Variants in AS3MT observed in about 807,000 individuals in gnomAD.
AS3MT encodes S-adenosyl-L-methionine:arsenic(III) methyltransferase.
Under a neutral mutation model 45.3 loss-of-function variants are expected in AS3MT, and 47 were observed. The ratio of observed to expected loss-of-function variants is 1.04; its 90% CI spans 0.82 to 1.32. The LOEUF (loss-of-function observed/expected upper bound fraction) is 1.32. AS3MT is among the 40% of genes most tolerant of loss of function. The pLI, the probability that AS3MT is intolerant of heterozygous loss-of-function variation, is 0.00. For missense variants in AS3MT, 396 were observed against 451.1 expected (o/e 0.88, Z 1.11); for synonymous variants, 141 against 152.8 (o/e 0.92, Z 0.57).
chr10:102,876,247 CA>C (rs548615222), intron 6 of AS3MT, among the ~76,000 whole-genome samples: 9 of 151,660 alleles, frequency 5.9e-5, no homozygotes, highest in Non-Finnish European at 1.2e-4. Flanking sequence ...AACAACATTA[CA>C]AAAAGTTATA....
At chr10:102,883,390 T>C (rs1844897988) in intron 9 of AS3MT, among the ~76,000 whole-genome samples, 2 of 151,544 alleles carry the variant, frequency 1.3e-5, no homozygotes, top group East Asian at 2.0e-4. Context: ...TGTGAGCCAC[T>C]GTGCCCAGCC....
At chr10:102,875,178 T>G (rs892289770) in intron 6 of AS3MT, among the ~76,000 whole-genome samples, 7 of 152,092 alleles carry the variant, frequency 4.6e-5, no homozygotes, top group African/African-American at 1.7e-4. Context: ...ATCTTCATGA[T>G]AGTAGATGAA....
intron 9 of AS3MT, among the ~76,000 whole-genome samples, chr10:102,886,129 G>T (rs1844950194): frequency 6.6e-6 from 1 of 151,542 alleles, no homozygotes; most frequent in South Asian, 2.1e-4. Flanking sequence ...TTGATCTTCT[G>T]TATTTTTTTA....
At chr10:102,895,345 G>A (rs776993667) in intron 10 of AS3MT, among the ~76,000 whole-genome samples, 3 of 151,834 alleles carry the variant, frequency 2.0e-5, no homozygotes, top group Non-Finnish European at 4.4e-5. Context: ...TTACAGGTGC[G>A]CCAGCCACCA....
intron 1 of AS3MT, 82 bp downstream of exon 1, chr10:102,869,675 C>T (rs1844642213): frequency 3.7e-6 from 6 of 1,603,184 alleles, no homozygotes; most frequent in Middle Eastern, 3.4e-4. Context: ...GAGCGCCTCC[C>T]CCGAGCTGTG....
At chr10:102,876,929 T>C in intron 6 of AS3MT, 25 bp from the exon 7 acceptor site, 4 of 1,608,562 alleles carry the variant, frequency 2.5e-6, no homozygotes, top group Non-Finnish European at 3.4e-6. Context: ...ATCATCTTGT[T>C]TGGACTAATA....
At chr10:102,880,302 A>T (rs186649767) in intron 9 of AS3MT, among the ~76,000 whole-genome samples, 26 of 151,096 alleles carry the variant, frequency 1.7e-4, no homozygotes, top group Admixed American at 1.5e-3. Context: ...ATTGTTTTTT[A>T]TTTTTTTTTC....
intron 3 of AS3MT, among the ~76,000 whole-genome samples, chr10:102,872,174 C>T (rs754391447): frequency 1.3e-5 from 2 of 152,150 alleles, no homozygotes; most frequent in African/African-American, 4.8e-5. Flanking sequence ...CGTGAGCCAC[C>T]GCGCCCAGCC....
At position 102,878,934 on chromosome 10, in the gene AS3MT, T is replaced by C. The variant is rs767544400; in HGVS notation, c.828T>C (p.Asn276=). 4.3e-6 allele frequency: 7 copies of C among 1,613,630 alleles called. No homozygotes were observed. Among genetic ancestry groups the C allele is most frequent in the Non-Finnish European group, 5.9e-6 (7 of 1,179,692 alleles). The change falls in exon 9 of 11, where the codon AAT becomes AAC. Residue 276 remains asparagine (N), a synonymous_variant. Coordinates refer to ENST00000369880, the MANE Select transcript of AS3MT (RefSeq NM_020682.4). Reference sequence around the variant, plus strand: ...CCAAGAGATGCCAAGTTATTTACAATGGAGGAATTACAGGACATGAAAAAG... The same window carrying C: ...CCAAGAGATGCCAAGTTATTTACAACGGAGGAATTACAGGACATGAAAAAG... ...GPTKRCQVIY[N]GGITGHEKEL...
At chr10:102,887,293 A>G (rs1237830462) in intron 9 of AS3MT, among the ~76,000 whole-genome samples, 1 of 152,200 alleles carries the variant, frequency 6.6e-6, no homozygotes, top group Admixed American at 6.5e-5. Context: ...CAGAATGTCT[A>G]TTCTGCAGCA....
chr10:102,870,280 TCA>T (rs1844655991), intron 3 of AS3MT, 69 bp downstream of exon 3: 15 of 1,582,998 alleles, frequency 9.5e-6, no homozygotes, highest in Admixed American at 5.1e-5. Context: ...ATGATGCAGG[TCA>T]CTAGGGAATT....
chr10:102,885,270 T>C (rs1223770679), intron 9 of AS3MT, among the ~76,000 whole-genome samples: 1 of 152,076 alleles, frequency 6.6e-6, no homozygotes, highest in African/African-American at 2.4e-5. Context: ...TCTCTTAACA[T>C]AATGACCTGC....
In AS3MT at chr10:102,900,635, A is replaced by C. The variant is rs201071842; in HGVS notation, c.1063A>C (p.Ser355Arg). 57 of 1,614,180 alleles carry C rather than the reference A, an allele frequency of 3.5e-5. No individual in the cohort carries two copies. Among genetic ancestry groups the C allele is most frequent in the Non-Finnish European group, 4.8e-5 (57 of 1,179,996 alleles). ...DPFKLAEESD[S>R]MKSRCVPDAA... ...ATTTAAGCTTGCAGAAGAGTCTGAC[A>C]GTATGAAGTCCAGATGTGTCCCTGA... The change falls in exon 11 of 11, where the codon AGT becomes CGT. Residue 355 changes from serine (S) to arginine (R), a missense_variant. Transcript: ENST00000369880.
Position 102,890,587 on chromosome 10 carries a change from T to A in AS3MT, c.929T>A (p.Leu310Ter). ...GTGGATGAAGAAACAGCAGCTATCTTGAAGAATTCAAGATTTGCTCAAGAT... is the reference window on the plus strand; with the variant it reads ...GTGGATGAAGAAACAGCAGCTATCTAGAAGAATTCAAGATTTGCTCAAGAT... ...VEVDEETAAILKNSRFAQDFL... is the reference protein window; with the variant it reads ...VEVDEETAAI The change falls in exon 10 of 11, where the codon TTG (leucine) becomes TAG (stop). Residue 310 changes from leucine (L) to a stop codon, truncating the protein, a stop_gained. Coordinates refer to ENST00000369880, the MANE Select transcript of AS3MT (RefSeq NM_020682.4). LOFTEE classifies it high-confidence loss of function. 6.2e-7 allele frequency: 1 copy of A among 1,611,450 alleles called. No homozygotes were observed. Among genetic ancestry groups the A allele is most frequent in the Non-Finnish European group, 8.5e-7 (1 of 1,179,052 alleles).
At chr10:102,883,473 G>A (rs751792843) in intron 9 of AS3MT, among the ~76,000 whole-genome samples, 9 of 151,994 alleles carry the variant, frequency 5.9e-5, no homozygotes, top group Non-Finnish European at 1.2e-4. Flanking sequence ...AGCACTTTGG[G>A]AGGCTGAGGC....
intron 7 of AS3MT, 88 bp downstream of exon 7, chr10:102,877,123 T>C: frequency 8.0e-7 from 1 of 1,253,328 alleles, no homozygotes; most frequent in Non-Finnish European, 1.2e-6. Context: ...TGAGGCTATA[T>C]GAGATCACAT....
At chr10:102,889,661 T>TTCCC in intron 9 of AS3MT, among the ~76,000 whole-genome samples, 1 of 137,102 alleles carries the variant, frequency 7.3e-6, no homozygotes, top group South Asian at 2.6e-4. Flanking sequence ...CCTTCCTTCC[T>TTCCC]TCCCTTCCTC....
chr10:102,870,158 C>G lies in AS3MT; in HGVS notation c.117C>G (p.Val39=), dbSNP rs1313722321. The change falls in exon 3 of 11, where the codon GTC becomes GTG. Residue 39 remains valine (V), a synonymous_variant. Transcript: ENST00000369880. The stretch of plus-strand genomic sequence containing the variant: ...GCTGTGTCACCACAGCCAGGCCGGT[C>G]CCCAAGCACATCCGGGAAGCCTTGC... The part of the protein sequence containing the change: ...TNGCVTTARP[V]PKHIREALQN... 3 of 1,614,078 alleles carry G rather than the reference C, an allele frequency of 1.9e-6. No individual in the cohort carries two copies. In the Admixed American group the frequency reaches 5.0e-5, roughly 27 times the overall value.
rs751384520 is a variant in AS3MT at position 102,878,559 on chromosome 10, T to C, written c.742+49T>C. On this transcript the variant is annotated intron_variant, in intron 8 of 10. Transcript: ENST00000369880. ...ACTATTATAACTACAGCTTGAATGA[T>C]TGAAATGTGGTGATTAGTAAGTAAC... 6.1e-5 allele frequency: 98 copies of C among 1,599,092 alleles called. 1 individual carries two copies. The South Asian group carries it at 1.1e-3, about 18-fold the overall frequency.
Sources: allele counts gnomAD v4.1 joint callset (sites outside exome capture counted in the v4.1 genomes callset), GRCh38; gene constraint gnomAD v4.1.1; transcripts MANE v1.5; gene names NCBI Gene and HGNC (gene_info 2026-07-23, HGNC 2026-07-21).